Variants in TSPAN1 observed in about 807,000 individuals in gnomAD.
The protein encoded by TSPAN1 is tetraspanin-1.
In TSPAN1, 23 loss-of-function variants were observed where a neutral mutation model predicts 26.9. That is an observed-to-expected ratio of 0.85 (90% CI 0.62 to 1.21). The LOEUF is 1.21. Among genes scored for constraint, TSPAN1 ranks in the 50% most tolerant of loss-of-function variants. The pLI, the probability that TSPAN1 is intolerant of heterozygous loss-of-function variation, is 0.00. For synonymous variants in TSPAN1, 115 were observed against 114.8 expected (o/e 1.00, Z -0.01); for missense variants, 283 against 298.4 (o/e 0.95, Z 0.38).
At chr1:46,193,899 C>G in the TSPAN1 span, 1 of 1,614,084 alleles carries the variant, frequency 6.2e-7, no homozygotes, top group South Asian at 1.1e-5. Context: ...CAGCCACAGG[C>G]ACATTGAGGA....
chr1:46,190,539 G>A (rs772695022), downstream of TSPAN1: 3 of 1,592,522 alleles, frequency 1.9e-6, no homozygotes, highest in South Asian at 3.3e-5. Context: ...GGAGAAATGG[G>A]TCAGGGGAGT....
At chr1:46,190,933 T>G, downstream of TSPAN1, 2 of 750,570 alleles carry the variant, frequency 2.7e-6, no homozygotes, top group Non-Finnish European at 4.7e-6. Flanking sequence ...CCATCCTCTT[T>G]GCAGCATCCT....
At chr1:46,192,566 T>C in the TSPAN1 span, 14 of 1,614,094 alleles carry the variant, frequency 8.7e-6, no homozygotes, top group South Asian at 5.5e-5. Flanking sequence ...CCTCCTCCAG[T>C]AGGTGGATGG....
the TSPAN1 span, chr1:46,192,325 A>C: frequency 3.1e-6 from 5 of 1,614,116 alleles, no homozygotes; most frequent in South Asian, 1.1e-5. Flanking sequence ...GGTGTAGGCC[A>C]CTTGGGCTCA....
chr1:46,189,991 T>C, downstream of TSPAN1: 1 of 1,613,788 alleles, frequency 6.2e-7, no homozygotes, highest in Non-Finnish European at 8.5e-7. Context: ...TCAGCCTCAC[T>C]GCAGTAGAGG....
At chr1:46,192,773 C>T in the TSPAN1 span, 5 of 1,582,134 alleles carry the variant, frequency 3.2e-6, no homozygotes, top group Non-Finnish European at 4.3e-6. Context: ...CACCTGCCAT[C>T]CTACCTTTGC....
Position 46,185,826 on chromosome 1 carries a change from C to T in TSPAN1, c.*293C>T, listed in dbSNP as rs961183370. ...TAAACCCTTGATATGCCCCCTAGGC[C>T]TAGTGGTGATCCCAGTGCTCTACTG... On this transcript the variant is annotated 3_prime_UTR_variant, in exon 9 of 9. Coordinates refer to ENST00000372003, the MANE Select transcript of TSPAN1 (RefSeq NM_005727.4). 45 of 508,178 alleles carry T rather than the reference C, an allele frequency of 8.9e-5. No homozygotes were observed. In the East Asian group the frequency reaches 1.5e-3, roughly 16 times the overall value. The allele number at this position is 508,178 out of a possible 1,614,324, so 31.5% of individuals were successfully genotyped here.
chr1:46,181,259 C>A, intron 3 of TSPAN1, 95 bp downstream of exon 3: 2 of 1,273,872 alleles, frequency 1.6e-6, no homozygotes, highest in Non-Finnish European at 1.1e-6. Context: ...ACTGCTATGC[C>A]CAGGCTTCGT....
chr1:46,196,014 T>C, the TSPAN1 span: 2 of 1,613,940 alleles, frequency 1.2e-6, no homozygotes, highest in Non-Finnish European at 1.7e-6. This position sits in a 1 kb window ranked among gnomAD's most constrained non-coding sequence, Gnocchi z 4.4. Context: ...AAACTCACCG[T>C]GGCCTGGTTG....
chr1:46,176,341 T>C (rs1427512894), intron 1 of TSPAN1: 3 of 1,535,758 alleles, frequency 2.0e-6, no homozygotes, highest in Non-Finnish European at 2.6e-6. Flanking sequence ...TCGGAGACCC[T>C]GTTGATATCT....
chr1:46,185,080 TGCACCAA>T lies in TSPAN1; in HGVS notation c.563_569del (p.Thr188LysfsTer8). ...CGTCACCAACACAGCCAATGAAACC[TGCACCAA>T]GCAAAAGGCTCACGACCAAAAAGTA... On this transcript the variant is annotated frameshift_variant, in exon 7 of 9. Coordinates refer to ENST00000372003, the MANE Select transcript of TSPAN1 (RefSeq NM_005727.4). LOFTEE classifies it high-confidence loss of function. The T allele has an allele frequency of 6.2e-7, 1 of 1,614,126 alleles. No individual in the cohort carries two copies.
At chr1:46,190,427 T>C (rs182261526), downstream of TSPAN1, 36 of 1,534,060 alleles carry the variant, frequency 2.3e-5, no homozygotes, top group East Asian at 7.9e-4. Flanking sequence ...ATCCCCAGTA[T>C]TTGACTCTTT....
At chr1:46,178,760 C>G (rs749992205) in intron 1 of TSPAN1, among the ~76,000 whole-genome samples, 63 of 152,156 alleles carry the variant, frequency 4.1e-4, no homozygotes, top group Non-Finnish European at 7.9e-4. Flanking sequence ...TGGTGCCAGA[C>G]TAACTGGGAT....
At chr1:46,186,210 T>G (rs1348907709), downstream of TSPAN1, among the ~76,000 whole-genome samples, 1 of 152,128 alleles carries the variant, frequency 6.6e-6, no homozygotes, top group Admixed American at 6.5e-5. Context: ...AACTTTGGAC[T>G]GAAACTACCC....
At chr1:46,185,193 C>A (rs748191168) in intron 7 of TSPAN1, 32 bp from the exon 8 acceptor site, 1 of 1,613,994 alleles carries the variant, frequency 6.2e-7, no homozygotes, top group Non-Finnish European at 8.5e-7. Flanking sequence ...AGGGCAGCTG[C>A]CAACTATAAA....
the TSPAN1 span, chr1:46,194,184 G>T: frequency 1.7e-5 from 27 of 1,608,586 alleles, no homozygotes; most frequent in Non-Finnish European, 2.2e-5. Context: ...CCCAGGCTCA[G>T]GTAGGGAAAG....
chr1:46,188,573 A>T (rs1319081893), downstream of TSPAN1: 5 of 1,392,772 alleles, frequency 3.6e-6, no homozygotes, highest in Non-Finnish European at 4.8e-6. Context: ...CAAATGGAAG[A>T]TAAACTCTGT....
the TSPAN1 span, chr1:46,192,233 A>G: frequency 6.2e-7 from 1 of 1,614,224 alleles, no homozygotes; most frequent in Non-Finnish European, 8.5e-7. Context: ...GCTGGCAGAC[A>G]TGGACCACGA....
downstream of TSPAN1, chr1:46,190,519 TGAAGA>T: frequency 6.2e-7 from 1 of 1,604,358 alleles, no homozygotes; most frequent in Non-Finnish European, 8.5e-7. Flanking sequence ...TTCTTCAGAC[TGAAGA>T]GGAGGGAGAA....
Sources: allele counts gnomAD v4.1 joint callset (sites outside exome capture counted in the v4.1 genomes callset), GRCh38; gene constraint gnomAD v4.1.1; non-coding constraint Gnocchi (gnomAD v3.1); transcripts MANE v1.5; gene names NCBI Gene and HGNC (gene_info 2026-07-23, HGNC 2026-07-21).